Variants in AGBL4 observed in about 807,000 individuals in gnomAD.
AGBL4 encodes the protein AGBL carboxypeptidase 4, also known as cytosolic carboxypeptidase 6.
AGBL4 carries 58 observed loss-of-function variants against 66.4 expected under a neutral mutation model. The ratio of observed to expected loss-of-function variants is 0.87; its 90% CI spans 0.71 to 1.09. The LOEUF is 1.09. Ranked by LOEUF, AGBL4 falls within the 50% of genes least tolerant of loss-of-function variation. AGBL4 has a pLI of 0.00. For missense variants in AGBL4, 579 were observed against 631.0 expected (o/e 0.92, Z 0.88); for synonymous variants, 234 against 222.9 (o/e 1.05, Z -0.44).
chr1:48,997,108 A>G (rs1661077150), intron 5 of AGBL4, among the ~76,000 whole-genome samples: 1 of 152,070 alleles, frequency 6.6e-6, no homozygotes, highest in Non-Finnish European at 1.5e-5. Flanking sequence ...ATTTTAGTAG[A>G]GATGGGGTTT....
chr1:49,939,994 C>T (rs931682904), intron 1 of AGBL4, among the ~76,000 whole-genome samples: 4 of 152,066 alleles, frequency 2.6e-5, no homozygotes, highest in African/African-American at 9.7e-5. Flanking sequence ...TGAACTCAAA[C>T]AAATTTACAA....
intron 6 of AGBL4, among the ~76,000 whole-genome samples, chr1:48,702,012 C>T (rs753778217): frequency 3.9e-5 from 6 of 152,136 alleles, no homozygotes; most frequent in Admixed American, 1.3e-4. Context: ...CATAAAATAA[C>T]ACAAAATGAC....
chr1:49,110,112 T>A (rs1181012200), intron 4 of AGBL4, among the ~76,000 whole-genome samples: 2 of 152,196 alleles, frequency 1.3e-5, no homozygotes, highest in East Asian at 3.9e-4. Flanking sequence ...TCCATTGATC[T>A]TATTACTTGA....
chr1:49,565,681 T>G (rs939410776), intron 3 of AGBL4, among the ~76,000 whole-genome samples: 3 of 152,236 alleles, frequency 2.0e-5, no homozygotes, highest in Non-Finnish European at 2.9e-5. Flanking sequence ...CCGCTGTTAG[T>G]CTGATGGGCT....
At chr1:49,513,340 A>G (rs1395753196) in intron 3 of AGBL4, among the ~76,000 whole-genome samples, 1 of 151,944 alleles carries the variant, frequency 6.6e-6, no homozygotes, top group African/African-American at 2.4e-5. Flanking sequence ...GGAATATTGC[A>G]TGATGCTGGG....
At chr1:49,313,653 G>C (rs1027010952) in intron 3 of AGBL4, among the ~76,000 whole-genome samples, 1 of 151,966 alleles carries the variant, frequency 6.6e-6, no homozygotes, top group Non-Finnish European at 1.5e-5. Context: ...TCATATGTTT[G>C]TTGGCCACAT....
At chr1:48,571,158 A>G (rs774043489) in intron 11 of AGBL4, among the ~76,000 whole-genome samples, 20 of 152,266 alleles carry the variant, frequency 1.3e-4, no homozygotes, top group Non-Finnish European at 2.8e-4. Context: ...TGTATTCAAC[A>G]GATAAGATAT....
intron 6 of AGBL4, among the ~76,000 whole-genome samples, chr1:48,740,742 T>A (rs1165083468): frequency 1.3e-5 from 2 of 152,168 alleles, no homozygotes; most frequent in Non-Finnish European, 2.9e-5. Flanking sequence ...AGGCCTCTGA[T>A]CGTGCAGACA....
chr1:49,017,999 T>A (rs1662947037), intron 5 of AGBL4, among the ~76,000 whole-genome samples: 1 of 152,188 alleles, frequency 6.6e-6, no homozygotes, highest in Admixed American at 6.5e-5. Flanking sequence ...AGGCCTGGTC[T>A]CTTCCTACAT....
rs538895451 is a variant in AGBL4 at position 49,094,340 on chromosome 1, A to T, written c.378-48540T>A. Among the ~76,000 whole-genome samples the T allele has an allele frequency of 1.9e-3, 288 of 152,230 alleles. 10 individuals are homozygous for T. In the South Asian group the frequency reaches 0.058, roughly 31 times the overall value. On this transcript the variant is annotated intron_variant, in intron 4 of 13. Coordinates refer to ENST00000371839, the MANE Select transcript of AGBL4 (RefSeq NM_032785.4). ...AAATTCAGGATTTTGAGATGGGGAT[A>T]TTATCTGGGATTATCTGGATGGATC...
intron 2 of AGBL4, among the ~76,000 whole-genome samples, chr1:49,790,009 G>A (rs1042272780): frequency 6.6e-6 from 1 of 152,096 alleles, no homozygotes; most frequent in Non-Finnish European, 1.5e-5. Context: ...CAGAAGAGAG[G>A]CTTGAGAAAT....
chr1:48,732,796 AG>A (rs1449705720), intron 6 of AGBL4, among the ~76,000 whole-genome samples: 2 of 152,176 alleles, frequency 1.3e-5, no homozygotes, highest in African/African-American at 4.8e-5. Flanking sequence ...TGGGAACAAT[AG>A]GAAGTGAGGA....
chr1:50,014,894 C>T (rs572558283), intron 1 of AGBL4, among the ~76,000 whole-genome samples: 10 of 152,218 alleles, frequency 6.6e-5, no homozygotes, highest in Middle Eastern at 3.4e-3. Flanking sequence ...TGTGCTTGCA[C>T]GTACTGTGCA....
chr1:48,925,173 C>T (rs570246278), intron 5 of AGBL4, among the ~76,000 whole-genome samples: 16 of 144,160 alleles, frequency 1.1e-4, no homozygotes, highest in South Asian at 1.1e-3. Context: ...CACACACACA[C>T]ATATGTGTGT....
chr1:49,831,199 A>T (rs1645664829), intron 2 of AGBL4, among the ~76,000 whole-genome samples: 2 of 152,224 alleles, frequency 1.3e-5, no homozygotes, highest in Admixed American at 1.3e-4. Flanking sequence ...TACTTTGGGC[A>T]GTATGGCCAT....
At chr1:49,931,172 T>C (rs139665195) in intron 1 of AGBL4, among the ~76,000 whole-genome samples, 2 of 152,236 alleles carry the variant, frequency 1.3e-5, no homozygotes, top group African/African-American at 4.8e-5. Flanking sequence ...AAATATGAAA[T>C]ACTTAAAAAT....
chr1:49,675,221 A>C (rs1461073101), intron 3 of AGBL4, among the ~76,000 whole-genome samples: 1 of 152,146 alleles, frequency 6.6e-6, no homozygotes, highest in Non-Finnish European at 1.5e-5. Flanking sequence ...CAAGATAATT[A>C]GACTTTAAAA....
chr1:49,407,959 T>C (rs1013863298), intron 3 of AGBL4, among the ~76,000 whole-genome samples: 10 of 152,206 alleles, frequency 6.6e-5, no homozygotes, highest in African/African-American at 2.4e-4. Flanking sequence ...AGAAATTCCC[T>C]CAGTCTACAG....
At chr1:49,659,057 C>G (rs1327913552) in intron 3 of AGBL4, among the ~76,000 whole-genome samples, 1 of 151,714 alleles carries the variant, frequency 6.6e-6, no homozygotes, top group East Asian at 1.9e-4. Flanking sequence ...GTATATCCAA[C>G]AAAACTAGCT....
Sources: allele counts gnomAD v4.1 joint callset (sites outside exome capture counted in the v4.1 genomes callset), GRCh38; gene constraint gnomAD v4.1.1; transcripts MANE v1.5; gene names NCBI Gene and HGNC (gene_info 2026-07-23, HGNC 2026-07-21).